CYP2R1: variants seen among roughly 807,000 people sequenced by gnomAD.
The protein encoded by CYP2R1 is cytochrome P450 family 2 subfamily R member 1, also known as vitamin D 25-hydroxylase.
Under a neutral mutation model 45.7 loss-of-function variants are expected in CYP2R1, and 40 were observed. The observed-to-expected ratio is 0.87, with a 90% CI of 0.68 to 1.14. CYP2R1 has a LOEUF of 1.14. CYP2R1 is among the 50% of genes most tolerant of loss of function. The pLI, the probability that CYP2R1 is intolerant of heterozygous loss-of-function variation, is 0.00. For synonymous variants in CYP2R1, 234 were observed against 219.3 expected (o/e 1.07, Z -0.59); for missense variants, 605 against 602.6 (o/e 1.00, Z -0.04).
chr11:14,880,844 T>A, intron 2 of CYP2R1, 76 bp from the exon 3 acceptor site: 2 of 1,391,654 alleles, frequency 1.4e-6, no homozygotes, highest in Non-Finnish European at 1.9e-6. Context: ...AAAATTTTTT[T>A]AATGGATGGT....
In CYP2R1 at chr11:14,880,256, T is replaced by A; in HGVS notation, c.880A>T (p.Thr294Ser). Residue 294 changes from threonine to serine, a missense_variant, in exon 3 of 5, where the codon ACT becomes TCT. Coordinates refer to ENST00000334636, the MANE Select transcript of CYP2R1 (RefSeq NM_024514.5). ...MDQGKNDPSSTFSKENLIFSV... is the reference protein window; with the variant it reads ...MDQGKNDPSSSFSKENLIFSV... ...AAAATTAGGTTTTCTTTGGAGAAAGTAGATGATGGGTCATTTTTACCTTGA... is the reference window on the plus strand; with the variant it reads ...AAAATTAGGTTTTCTTTGGAGAAAGAAGATGATGGGTCATTTTTACCTTGA... 2.5e-6 allele frequency: 4 copies of A among 1,613,108 alleles called. No individual in the cohort carries two copies. Among genetic ancestry groups the A allele is most frequent in the Non-Finnish European group, 3.4e-6 (4 of 1,179,422 alleles).
rs1848322409 is a variant in CYP2R1, at chr11:14,880,222, C to T, written c.914G>A (p.Gly305Asp). Residue 305 changes from glycine to aspartate, a missense_variant, in exon 3 of 5, where the codon GGT becomes GAT. Transcript: ENST00000334636. ...FSKENLIFSVGELIIAGTETT... is the reference protein window; with the variant it reads ...FSKENLIFSVDELIIAGTETT... ...TTCAGTTCCAGCAATGATGAGTTCA[C>T]CCACTGAGAAAATTAGGTTTTCTTT... 6.2e-7 allele frequency: 1 copy of T among 1,612,778 alleles called. No homozygotes were observed. The highest frequency in any genetic ancestry group is 1.7e-5 in the Admixed American group (1 of 59,806).
At chr11:14,888,330 GAAA>G (rs1848697043) in intron 1 of CYP2R1, among the ~76,000 whole-genome samples, 3 of 152,192 alleles carry the variant, frequency 2.0e-5, no homozygotes, top group African/African-American at 7.2e-5. Context: ...TATGACAATA[GAAA>G]TATATGTTGA....
intron 1 of CYP2R1, among the ~76,000 whole-genome samples, chr11:14,890,700 C>T (rs868923261): frequency 2.6e-5 from 4 of 151,886 alleles, no homozygotes; most frequent in African/African-American, 9.7e-5. Context: ...GTGCCCGCCA[C>T]CACGCCCGGC....
intron 1 of CYP2R1, chr11:14,890,770 G>C: frequency 1.5e-6 from 1 of 668,530 alleles, no homozygotes; most frequent in Non-Finnish European, 1.8e-6. Flanking sequence ...CGACGGTCTC[G>C]ATCTCCTGAT....
intron 1 of CYP2R1, chr11:14,887,519 C>T (rs1199750535): frequency 1.2e-6 from 1 of 859,464 alleles, no homozygotes; most frequent in Non-Finnish European, 1.4e-6. Context: ...TGGAAGGGTA[C>T]AAGATTAGCT....
At chr11:14,890,647 C>T (rs979324888) in intron 1 of CYP2R1, 5 of 216,064 alleles carry the variant, frequency 2.3e-5, no homozygotes, top group Non-Finnish European at 3.8e-5. Context: ...CCCGGGTTCA[C>T]GCCATTCTCC....
chr11:14,892,378 G>T, upstream of CYP2R1: 1 of 652,470 alleles, frequency 1.5e-6, no homozygotes, highest in South Asian at 1.9e-5. Context: ...CTAGTTTTGC[G>T]CGGCTGAGAG....
chr11:14,891,926 G>A (rs1848872898), intron 1 of CYP2R1, 55 bp downstream of exon 1: 4 of 1,581,216 alleles, frequency 2.5e-6, no homozygotes, highest in Non-Finnish European at 3.4e-6. Flanking sequence ...GAAGGCCCTG[G>A]CCAGCCCGGG....
chr11:14,884,881 A>G (rs1158222023), intron 2 of CYP2R1, among the ~76,000 whole-genome samples: 1 of 151,950 alleles, frequency 6.6e-6, no homozygotes, highest in Non-Finnish European at 1.5e-5. Flanking sequence ...TTAAAGGTCT[A>G]TTATAATTGT....
At chr11:14,886,428 A>C (rs1458856937) in intron 1 of CYP2R1, 1 of 159,182 alleles carries the variant, frequency 6.3e-6, no homozygotes, top group African/African-American at 2.4e-5. Context: ...ATTGTAACTA[A>C]GCCCATTTGT....
chr11:14,883,612 A>G lies in CYP2R1; in HGVS notation c.367+2164T>C, dbSNP rs528621755. Among the ~76,000 whole-genome samples, 3 of 152,232 alleles carry G rather than the reference A, an allele frequency of 2.0e-5. No homozygotes were observed. In the South Asian group the frequency reaches 6.2e-4, roughly 32 times the overall value. Reference sequence around the variant, plus strand: ...GAAAACCTAGGCATTACCATTCAGGAGATAGGCATGGGCAAGGACTTCATG... The same window carrying G: ...GAAAACCTAGGCATTACCATTCAGGGGATAGGCATGGGCAAGGACTTCATG... On this transcript the variant is annotated intron_variant, in intron 2 of 4. Coordinates refer to ENST00000334636, the MANE Select transcript of CYP2R1 (RefSeq NM_024514.5).
rs542981986 is a variant in CYP2R1 at position 14,885,763 on chromosome 11, C to T, written c.367+13G>A. 4 of 1,611,108 alleles carry T rather than the reference C, an allele frequency of 2.5e-6. No homozygotes were observed. In the African/African-American group the frequency reaches 4.0e-5, roughly 16 times the overall value. ...ATCTTAGTAAATCACTAAATAGGTG[C>T]AAATAAACATACCTCCCATTTTTGT... On this transcript the variant is annotated intron_variant, in intron 2 of 4. Transcript: ENST00000334636.
Position 14,891,972 on chromosome 11 carries a change from G to A in CYP2R1, c.225+9C>T, listed in dbSNP as rs1555017214. On this transcript the variant is annotated intron_variant, in intron 1 of 4. Transcript: ENST00000334636. ...GGCCCTCCCTGCCCGGGGCCCGTCGGGGCTGTACCTCTCCGTACACCTGGC... is the reference window on the plus strand; with the variant it reads ...GGCCCTCCCTGCCCGGGGCCCGTCGAGGCTGTACCTCTCCGTACACCTGGC... 1.2e-6 allele frequency: 2 copies of A among 1,612,264 alleles called. No homozygotes were observed. Among genetic ancestry groups the A allele is most frequent in the Non-Finnish European group, 8.5e-7 (1 of 1,179,498 alleles).
chr11:14,881,029 T>C (rs1217645341), intron 2 of CYP2R1, among the ~76,000 whole-genome samples: 1 of 152,092 alleles, frequency 6.6e-6, no homozygotes, highest in Non-Finnish European at 1.5e-5. Flanking sequence ...CTGTGTAATT[T>C]AACCTGGTGA....
Position 14,891,993 on chromosome 11 carries a change from C to A in CYP2R1, c.213G>T (p.Gln71His), listed in dbSNP as rs374066422. 3.1e-6 allele frequency: 5 copies of A among 1,613,262 alleles called. No individual in the cohort carries two copies. Among genetic ancestry groups the A allele is most frequent in the Non-Finnish European group, 4.2e-6 (5 of 1,179,802 alleles). ...GTCGGGGCTGTACCTCTCCGTACACCTGGCTCTGCTTTCTCATGTAGACAT... is the reference window on the plus strand; with the variant it reads ...GTCGGGGCTGTACCTCTCCGTACACATGGCTCTGCTTTCTCATGTAGACAT... ...LPHVYMRKQSQVYGEIFSLDL... is the reference protein window; with the variant it reads ...LPHVYMRKQSHVYGEIFSLDL... Residue 71 changes from glutamine to histidine, a missense_variant, in exon 1 of 5, where the codon CAG (glutamine) becomes CAT (histidine). Gln to His is a conservative substitution (Grantham distance 24). Coordinates refer to ENST00000334636, the MANE Select transcript of CYP2R1 (RefSeq NM_024514.5).
At chr11:14,881,907 C>A (rs1232357389) in intron 2 of CYP2R1, among the ~76,000 whole-genome samples, 1 of 152,066 alleles carries the variant, frequency 6.6e-6, no homozygotes, top group Non-Finnish European at 1.5e-5. Context: ...TATAGCAATA[C>A]AAAATGGACT....
chr11:14,878,372 G>T, intron 4 of CYP2R1, 75 bp from the exon 5 acceptor site: 3 of 1,367,948 alleles, frequency 2.2e-6, no homozygotes, highest in Non-Finnish European at 3.1e-6. Context: ...ATATTTGGAT[G>T]TCATTCAGGA....
intron 2 of CYP2R1, among the ~76,000 whole-genome samples, 175 bp from the exon 3 acceptor site, chr11:14,880,943 TAA>T (rs1555012116): frequency 1.3e-5 from 2 of 152,064 alleles, no homozygotes; most frequent in Non-Finnish European, 2.9e-5. Flanking sequence ...TTATAACAGA[TAA>T]AGTTTTTCTA....
Sources: allele counts gnomAD v4.1 joint callset (sites outside exome capture counted in the v4.1 genomes callset), GRCh38; gene constraint gnomAD v4.1.1; transcripts MANE v1.5; gene names NCBI Gene and HGNC (gene_info 2026-07-23, HGNC 2026-07-21).